Variants in PLEKHG4B observed in about 807,000 individuals in gnomAD.
PLEKHG4B encodes pleckstrin homology and RhoGEF domain containing G4B, also known as pleckstrin homology domain-containing family G member 4B.
Under a neutral mutation model 121.3 loss-of-function variants are expected in PLEKHG4B, and 111 were observed. The ratio of observed to expected loss-of-function variants is 0.92; its 90% CI spans 0.78 to 1.07. The LOEUF (loss-of-function observed/expected upper bound fraction) is 1.07, where lower values mean the gene tolerates loss of function less well. PLEKHG4B is among the 50% of genes least tolerant of loss of function. PLEKHG4B has a pLI of 0.00. For missense variants in PLEKHG4B, 1,831 were observed against 1,757.8 expected (o/e 1.04, Z -0.74); for synonymous variants, 738 against 725.0 (o/e 1.02, Z -0.29).
At chr5:129,267 C>G (rs186436686) in intron 2 of PLEKHG4B, among the ~76,000 whole-genome samples, 172 of 152,334 alleles carry the variant, frequency 1.1e-3, no homozygotes, top group Non-Finnish European at 2.2e-3. Context: ...AAGCCTGCTA[C>G]TTAGAAGCTT....
intron 7 of PLEKHG4B, among the ~76,000 whole-genome samples, chr5:154,672 TTG>T (rs1735712126): frequency 6.7e-6 from 1 of 149,390 alleles, no homozygotes; most frequent in African/African-American, 2.5e-5. Flanking sequence ...TTTCCTTCAC[TTG>T]TCTTAGCTCC....
At chr5:170,456 C>G (rs1018850264) in intron 14 of PLEKHG4B, among the ~76,000 whole-genome samples, 6 of 152,226 alleles carry the variant, frequency 3.9e-5, no homozygotes, top group Admixed American at 1.3e-4. Context: ...GCGCCGCCAC[C>G]ACGCCCGGCT....
In PLEKHG4B at chr5:182,293, T is replaced by C. The variant is rs752525348; in HGVS notation, c.4854T>C (p.Ala1618=). ...TQAAVCEGAP[A]VLLSRTRQA ...CTGCAGTGTGTGAGGGGGCTCCTGC[T>C]GTGCTGCTGAGCCGCACACGCCAGG... Residue 1618 remains alanine (A), a synonymous_variant, in exon 20 of 20, where the codon GCT becomes GCC. Coordinates refer to ENST00000637938, the MANE Select transcript of PLEKHG4B (RefSeq NM_052909.5). The C allele has an allele frequency of 6.2e-7, 1 of 1,611,092 alleles. No individual in the cohort carries two copies. The highest frequency in any genetic ancestry group is 1.1e-5 in the South Asian group (1 of 90,834).
intron 1 of PLEKHG4B, among the ~76,000 whole-genome samples, chr5:101,363 G>C (rs1272584777): frequency 1.6e-5 from 2 of 124,918 alleles, no homozygotes; most frequent in Non-Finnish European, 3.2e-5. Flanking sequence ...GTAGGGGAGA[G>C]ACTGTTGTGA....
In PLEKHG4B at chr5:163,221, C is replaced by G; in HGVS notation, c.3149C>G (p.Thr1050Arg). 1 of 1,600,958 alleles carries G rather than the reference C, an allele frequency of 6.2e-7. No individual in the cohort carries two copies. Among genetic ancestry groups the G allele is most frequent in the Non-Finnish European group, 8.5e-7 (1 of 1,173,978 alleles). Residue 1050 changes from threonine (T) to arginine (R), a missense_variant, in exon 13 of 20, where the codon ACG becomes AGG. Thr to Arg is a moderately conservative substitution (Grantham distance 71). Coordinates refer to ENST00000637938, the MANE Select transcript of PLEKHG4B (RefSeq NM_052909.5). ...GGCCTTCCAGGGGCAGGGGCCACCA[C>G]GGCCCACCTGGAGGACAGCTCTGCC... ...LRGLPGAGAT[T>R]AHLEDSSACS...
At chr5:149,655 GAA>G (rs1300919584) in intron 6 of PLEKHG4B, among the ~76,000 whole-genome samples, 4 of 152,120 alleles carry the variant, frequency 2.6e-5, no homozygotes, top group African/African-American at 9.7e-5. Context: ...AATATATAGA[GAA>G]CTCCTAAAAT....
At position 183,886 on chromosome 5, in the gene PLEKHG4B, A is replaced by C. The variant is rs796101420; in HGVS notation, c.*1563A>C. 8 of 152,366 alleles carry C rather than the reference A, an allele frequency of 5.3e-5. No homozygotes were observed. The highest frequency in any genetic ancestry group is 1.7e-4 in the African/African-American group (7 of 41,568). 9.4% of individuals were successfully genotyped at this position (152,366 alleles called of 1,614,324 possible). A position where few individuals can be genotyped will look rare whatever the true frequency, so the allele number is the denominator to read the frequency against. On this transcript the variant is annotated 3_prime_UTR_variant, in exon 20 of 20. Transcript: ENST00000637938. ...ACAGAAGAGACCATGAGGCACCTTG[A>C]AGACACATCAGTGGAAACTATTTGC...
intron 1 of PLEKHG4B, among the ~76,000 whole-genome samples, chr5:96,735 G>A (rs746298621): frequency 3.4e-4 from 52 of 152,098 alleles, no homozygotes; most frequent in Non-Finnish European, 6.9e-4. Context: ...ATGCCTCCAA[G>A]ACAAAGATAC....
rs375442039 is a variant in PLEKHG4B at position 162,864 on chromosome 5, A to G, written c.2792A>G (p.His931Arg). The G allele has an allele frequency of 9.9e-6, 15 of 1,519,076 alleles. No individual in the cohort carries two copies. The African/African-American group carries it at 1.7e-4, about 17-fold the overall frequency. 94.1% of individuals were successfully genotyped at this position (1,519,076 alleles called of 1,614,324 possible). Residue 931 changes from histidine to arginine, a missense_variant, in exon 13 of 20, where the codon CAT (histidine) becomes CGT (arginine). Coordinates refer to ENST00000637938, the MANE Select transcript of PLEKHG4B (RefSeq NM_052909.5). ...PGAGVAVLKP[H>R]ALGKPWASQQ... Reference sequence around the variant, plus strand: ...GCAGGTGTGGCAGTGCTGAAGCCTCATGCCCTGGGGAAACCGTGGGCATCA... The same window carrying G: ...GCAGGTGTGGCAGTGCTGAAGCCTCGTGCCCTGGGGAAACCGTGGGCATCA...
At position 127,635 on chromosome 5, in the gene PLEKHG4B, G is replaced by A. The variant is rs143150188; in HGVS notation, c.244-11848G>A. ...TCAGTGGCAGTGGTAGGTGGCGGCCGAACAGTGAGAAAGGTGCAACAATAT... is the reference window on the plus strand; with the variant it reads ...TCAGTGGCAGTGGTAGGTGGCGGCCAAACAGTGAGAAAGGTGCAACAATAT... On this transcript the variant is annotated intron_variant, in intron 2 of 19. Transcript: ENST00000637938. Among the ~76,000 whole-genome samples, 1,265 of 152,162 alleles carry A rather than the reference G, an allele frequency of 8.3e-3. 23 individuals are homozygous for A. The highest frequency in any genetic ancestry group is 0.029 in the African/African-American group (1,203 of 41,512).
chr5:98,105 G>A (rs1733681653), intron 1 of PLEKHG4B, among the ~76,000 whole-genome samples: 1 of 151,992 alleles, frequency 6.6e-6, no homozygotes, highest in South Asian at 2.1e-4. Context: ...TGCTTTCAGT[G>A]ACATATTTAA....
At chr5:119,201 C>T (rs915455170) in intron 2 of PLEKHG4B, among the ~76,000 whole-genome samples, 1 of 152,014 alleles carries the variant, frequency 6.6e-6, no homozygotes, top group Non-Finnish European at 1.5e-5. Context: ...GACCATTGTC[C>T]GTAAAGTGTC....
intron 13 of PLEKHG4B, among the ~76,000 whole-genome samples, chr5:163,814 G>A (rs772267909): frequency 2.4e-4 from 37 of 152,286 alleles, no homozygotes; most frequent in African/African-American, 3.1e-4. Context: ...GTAACTGTGC[G>A]ACCAACTCTA....
At chr5:160,469 C>T (rs138770840) in intron 11 of PLEKHG4B, among the ~76,000 whole-genome samples, 1 of 152,088 alleles carries the variant, frequency 6.6e-6, no homozygotes, top group Non-Finnish European at 1.5e-5. Context: ...AATGGAGCCC[C>T]TAAACAGTGT....
At position 157,030 on chromosome 5, in the gene PLEKHG4B, T is replaced by G. The variant is rs1735808041; in HGVS notation, c.2487+119T>G. On this transcript the variant is annotated intron_variant, in intron 11 of 19. Transcript: ENST00000637938. The surrounding 1 kb of genome is among the most constrained non-coding windows in gnomAD (Gnocchi z 4.6). ...GCCTTGATCTGATTTCCATTTGGAA[T>G]GAAATTATGTCAGGATAGGGCATGC... 1.5e-6 allele frequency: 2 copies of G among 1,365,346 alleles called. No homozygotes were observed. Among genetic ancestry groups the G allele is most frequent in the African/African-American group, 2.9e-5 (2 of 69,314 alleles). 84.6% of individuals were successfully genotyped at this position (1,365,346 alleles called of 1,614,324 possible).
chr5:123,039 G>A (rs895162823), intron 2 of PLEKHG4B, among the ~76,000 whole-genome samples: 5 of 152,140 alleles, frequency 3.3e-5, no homozygotes, highest in African/African-American at 7.2e-5. Context: ...CCTGAACAAC[G>A]TTAATAATAA....
chr5:145,837 A>G (rs937912879), intron 6 of PLEKHG4B, among the ~76,000 whole-genome samples: 1 of 152,030 alleles, frequency 6.6e-6, no homozygotes, highest in African/African-American at 2.4e-5. Flanking sequence ...GCCCTCTCCC[A>G]TGCCCCACCT....
chr5:176,236 C>G (rs1736756297), intron 18 of PLEKHG4B, among the ~76,000 whole-genome samples: 1 of 122,328 alleles, frequency 8.2e-6, no homozygotes, highest in African/African-American at 2.6e-5. Context: ...TGCCACCATC[C>G]TGAAGAGCCT....
At chr5:120,011 G>C (rs1201178370) in intron 2 of PLEKHG4B, among the ~76,000 whole-genome samples, 1 of 152,164 alleles carries the variant, frequency 6.6e-6, no homozygotes, top group Non-Finnish European at 1.5e-5. Flanking sequence ...ACTTTGCAAG[G>C]CTGTGGGGGA....
Sources: allele counts gnomAD v4.1 joint callset (sites outside exome capture counted in the v4.1 genomes callset), GRCh38; gene constraint gnomAD v4.1.1; non-coding constraint Gnocchi (gnomAD v3.1); transcripts MANE v1.5; gene names NCBI Gene and HGNC (gene_info 2026-07-23, HGNC 2026-07-21).